Variants in VDR observed in about 807,000 individuals in gnomAD.
VDR encodes vitamin D3 receptor.
Under a neutral mutation model 39.7 loss-of-function variants are expected in VDR, and 19 were observed. The observed-to-expected ratio is 0.48, with a 90% confidence interval of 0.33 to 0.70. VDR has a LOEUF of 0.70. VDR is among the 30% of genes least tolerant of loss of function. The probability of loss-of-function intolerance (pLI) is 0.02; values close to 1 mark genes in which losing one functional copy is unlikely to be tolerated. For synonymous variants in VDR, 242 were observed against 215.8 expected, an observed-to-expected ratio of 1.12 and a Z score of -1.07; for missense variants, 442 against 570.5, an observed-to-expected ratio of 0.77 and a Z score of 2.29.
chr12:47,904,462 TAAAAAAAAAAAA>T (rs17886628), intron 1 of VDR: 19 of 360,348 alleles, frequency 5.3e-5, no homozygotes, highest in Non-Finnish European at 6.9e-5. Flanking sequence ...CAAAGAAAAG[TAAAAAAAAAAAA>T]AAAAAAAAAA....
At position 47,865,176 on chromosome 12, in the gene VDR, G is replaced by A. The variant is rs201106427; in HGVS notation, c.148C>T (p.Arg50Ter). The A allele has an allele frequency of 4.4e-6, 7 of 1,607,710 alleles. No individual in the cohort carries two copies. The highest frequency in any genetic ancestry group is 5.9e-6 in the Non-Finnish European group (7 of 1,178,140). The change falls in exon 4 of 10, where the codon CGA becomes TGA. Residue 50 changes from arginine (R) to a stop codon, truncating the protein, a stop_gained and splice_region_variant. Transcript: ENST00000549336. LOFTEE classifies it high-confidence loss of function. Reference protein sequence around the residue: ...TCEGCKGFFRRSMKRKALFTC... With the variant: ...TCEGCKGFFR ...AATAGTGCCTTCCGCTTCATGCTTC[G>A]CCTGCCGAGAGAGCACACACCCTGC...
At chr12:47,871,621 G>A (rs1592127407) in intron 3 of VDR, among the ~76,000 whole-genome samples, 1 of 151,752 alleles carries the variant, frequency 6.6e-6, no homozygotes, top group Admixed American at 6.6e-5. Flanking sequence ...GTGCCACCAC[G>A]CCTGGCCAAT....
intron 3 of VDR, among the ~76,000 whole-genome samples, chr12:47,870,474 A>AG (rs1320019462): frequency 2.1e-5 from 3 of 145,366 alleles, no homozygotes; most frequent in African/African-American, 4.9e-5. Flanking sequence ...CAGCTCAGGA[A>AG]GGGGGGGTAG....
chr12:47,845,100 C>T lies in VDR; in HGVS notation c.1025-95G>A, dbSNP rs11574114. On this transcript the variant is annotated intron_variant, in intron 9 of 9. Transcript: ENST00000549336. ...ACCCCCCACCCACACAGACACTCAA[C>T]GGCAGCACCCCCTAGGCCACCCCTC... is the stretch of plus-strand genomic sequence containing the variant. The T allele has an allele frequency of 0.043, 67,635 of 1,580,452 alleles. 2,078 individuals are homozygous for T. The highest frequency in any genetic ancestry group is 0.16 in the African/African-American group (11,729 of 74,140).
chr12:47,868,332 G>A (rs1474089260), intron 3 of VDR, among the ~76,000 whole-genome samples: 1 of 152,224 alleles, frequency 6.6e-6, no homozygotes, highest in Non-Finnish European at 1.5e-5. Context: ...CTACTGCAGA[G>A]CCAGGGTTGT....
chr12:47,888,211 A>G (rs1179975725), intron 1 of VDR, among the ~76,000 whole-genome samples: 2 of 152,210 alleles, frequency 1.3e-5, no homozygotes, highest in Non-Finnish European at 2.9e-5. Context: ...TGAGAATAGC[A>G]TGGGAAAAAC....
chr12:47,857,812 T>G (rs1592108150), intron 4 of VDR, 124 bp from the exon 5 acceptor site: 2 of 1,071,680 alleles, frequency 1.9e-6, no homozygotes, highest in Non-Finnish European at 2.7e-6. Context: ...CCCTCGGGGG[T>G]CCTCCTGCCA....
In VDR at chr12:47,841,726, T is replaced by G. The variant is rs1008178741; in HGVS notation, c.*3020A>C. ...TTACATCCTTTCGCTGCCATATCTC[T>G]AGCTTTCACTAAATCTGCCACACAT... On this transcript the variant is annotated 3_prime_UTR_variant, in exon 10 of 10. Coordinates refer to ENST00000549336, the MANE Select transcript of VDR (RefSeq NM_000376.3). The G allele has an allele frequency of 1.4e-4, 22 of 152,350 alleles. No homozygotes were observed. The highest frequency in any genetic ancestry group is 4.6e-4 in the African/African-American group (19 of 41,460). The allele number at this position is 152,350 out of a possible 1,614,324, so 9.4% of individuals were successfully genotyped here.
chr12:47,862,645 G>A (rs184310863), intron 4 of VDR, among the ~76,000 whole-genome samples: 86 of 152,346 alleles, frequency 5.6e-4, no homozygotes, highest in Admixed American at 4.6e-4. Flanking sequence ...CTCCTTGCTC[G>A]GACAGCAGGA....
intron 3 of VDR, among the ~76,000 whole-genome samples, chr12:47,877,590 T>G (rs924147772): frequency 3.9e-5 from 6 of 152,142 alleles, no homozygotes; most frequent in Admixed American, 1.3e-4. Flanking sequence ...TTCATGGTAG[T>G]AAGCAGGCGC....
At chr12:47,883,005 A>G (rs1297198771) in intron 1 of VDR, 1 of 495,954 alleles carries the variant, frequency 2.0e-6, no homozygotes, top group South Asian at 2.5e-5. Flanking sequence ...AGGGAGTAGC[A>G]GGAGCAGTGG....
intron 1 of VDR, among the ~76,000 whole-genome samples, chr12:47,886,657 C>T (rs1463958593): frequency 6.6e-6 from 1 of 152,200 alleles, no homozygotes; most frequent in Non-Finnish European, 1.5e-5. Flanking sequence ...CCACAATGTC[C>T]ACAGTAAAAC....
intron 4 of VDR, among the ~76,000 whole-genome samples, chr12:47,862,967 G>A (rs1252770768): frequency 6.6e-6 from 1 of 152,258 alleles, no homozygotes; most frequent in African/African-American, 2.4e-5. Flanking sequence ...GGGATGAGGA[G>A]GGTGGTGTGG....
intron 1 of VDR, chr12:47,883,035 GCC>G (rs1392434949): frequency 1.6e-5 from 7 of 431,978 alleles, no homozygotes; most frequent in South Asian, 1.2e-4. Context: ...GCGGCAACCA[GCC>G]CCAGGCAGAA....
rs61388360 is a variant in VDR, at chr12:47,856,622, TAAAAAAAAAAA to T, written c.583+496_583+506del. Among the ~76,000 whole-genome samples, 5 of 126,150 alleles carry T rather than the reference TAAAAAAAAAAA, an allele frequency of 4.0e-5. 1 individual carries two copies. The East Asian group carries it at 7.4e-4, about 19-fold the overall frequency. 82.8% of individuals were successfully genotyped at this position (126,150 alleles called of 152,430 possible). On this transcript the variant is annotated intron_variant, in intron 6 of 9. Coordinates refer to ENST00000549336, the MANE Select transcript of VDR (RefSeq NM_000376.3). ...TCTAAATATACATATGTGTTTTTTT[TAAAAAAAAAAA>T]AAAAAAGAAAGGAAGGAAAGCATGA... is the stretch of plus-strand genomic sequence containing the variant.
At chr12:47,873,351 C>CTTTTTTTTTTTTTTTTTTT (rs71077177) in intron 3 of VDR, among the ~76,000 whole-genome samples, 8 of 98,456 alleles carry the variant, frequency 8.1e-5, no homozygotes, top group Non-Finnish European at 1.4e-4. Context: ...AACCTGTTTT[C>CTTTTTTTTTTTTTTTTTTT]TTTTTTTTTT....
intron 7 of VDR, among the ~76,000 whole-genome samples, chr12:47,847,631 G>A (rs1471468829): frequency 1.3e-5 from 2 of 151,890 alleles, no homozygotes; most frequent in African/African-American, 4.8e-5. Context: ...GGAGTGCAGT[G>A]TTATGATCAT....
At chr12:47,886,762 C>A (rs1017476082) in intron 1 of VDR, among the ~76,000 whole-genome samples, 1 of 152,208 alleles carries the variant, frequency 6.6e-6, no homozygotes, top group African/African-American at 2.4e-5. Context: ...GATATTCTAG[C>A]CAAACAGTTT....
intron 3 of VDR, among the ~76,000 whole-genome samples, chr12:47,867,239 C>T (rs575730760): frequency 3.3e-5 from 5 of 151,898 alleles, no homozygotes; most frequent in South Asian, 4.2e-4. Context: ...CTATAGTCCC[C>T]GCTACTCGGG....
Sources: allele counts gnomAD v4.1 joint callset (sites outside exome capture counted in the v4.1 genomes callset), GRCh38; gene constraint gnomAD v4.1.1; transcripts MANE v1.5; gene names NCBI Gene and HGNC (gene_info 2026-07-23, HGNC 2026-07-21).